PCDHGA5: variants seen among roughly 807,000 people sequenced by gnomAD.
PCDHGA5 encodes protocadherin gamma-A5.
PCDHGA5 carries 36 observed loss-of-function variants against 56.7 expected under a neutral mutation model. That is an observed-to-expected ratio of 0.64 (90% CI 0.49 to 0.84). The LOEUF (loss-of-function observed/expected upper bound fraction) is 0.84. PCDHGA5 is among the 40% of genes least tolerant of loss of function. PCDHGA5 has a pLI of 0.00. For missense variants in PCDHGA5, 1,305 were observed against 1,201.5 expected (o/e 1.09, Z -1.27); for synonymous variants, 563 against 520.2 (o/e 1.08, Z -1.12).
intron 1 of PCDHGA5, among the ~76,000 whole-genome samples, chr5:141,373,419 A>G (rs562017784): frequency 6.6e-6 from 1 of 152,336 alleles, no homozygotes; most frequent in African/African-American, 2.4e-5. Flanking sequence ...GCTACTCGGG[A>G]GGCTGAGGTG....
intron 1 of PCDHGA5, chr5:141,416,916 T>A (rs751743318): frequency 5.5e-4 from 83 of 152,132 alleles, no homozygotes; most frequent in Non-Finnish European, 8.5e-4. Flanking sequence ...CTCTTTAGGG[T>A]CATAGTTATT....
chr5:141,394,410 A>G, intron 1 of PCDHGA5: 1 of 1,614,210 alleles, frequency 6.2e-7, no homozygotes, highest in Non-Finnish European at 8.5e-7. Context: ...GCTACTGGTA[A>G]CAGCCAGCGA....
In PCDHGA5 at chr5:141,376,236, G is replaced by T. The variant is rs202155785; in HGVS notation, c.2421+9485G>T. ...GTGCTGCTGGCGCTCAGACTGCAGCGCTGGCACAAGTCACGCCTGCTGCAG... is the reference window on the plus strand; with the variant it reads ...GTGCTGCTGGCGCTCAGACTGCAGCTCTGGCACAAGTCACGCCTGCTGCAG... On this transcript the variant is annotated intron_variant, in intron 1 of 3. Coordinates refer to ENST00000518069, the MANE Select transcript of PCDHGA5 (RefSeq NM_018918.3). The T allele has an allele frequency of 2.8e-3, 4,477 of 1,614,208 alleles. 145 individuals carry two copies. In the South Asian group the frequency reaches 0.046, roughly 17 times the overall value.
At position 141,410,559 on chromosome 5, in the gene PCDHGA5, G is replaced by A. The variant is rs1239897819; in HGVS notation, c.2421+43808G>A. 9.9e-6 allele frequency: 16 copies of A among 1,612,722 alleles called. No individual in the cohort carries two copies. Among genetic ancestry groups the A allele is most frequent in the African/African-American group, 5.3e-5 (4 of 74,894 alleles). On this transcript the variant is annotated intron_variant, in intron 1 of 3. Transcript: ENST00000518069. ...GACATGGTTTGCAGTGTTTCTCCTG[G>A]AGCCTTAATTCCACCTCATGGTGGG...
chr5:141,385,529 T>G (rs568078652), intron 1 of PCDHGA5: 1 of 1,354,768 alleles, frequency 7.4e-7, no homozygotes, highest in South Asian at 2.0e-5. Context: ...TGGACAAGAT[T>G]ATGAATATGT....
At chr5:141,436,256 C>T (rs953463822) in intron 1 of PCDHGA5, among the ~76,000 whole-genome samples, 1 of 152,100 alleles carries the variant, frequency 6.6e-6, no homozygotes, top group South Asian at 2.1e-4. Context: ...TTATTCTGAC[C>T]TCTGCTCACC....
At chr5:141,382,378 C>T (rs1160680038) in intron 1 of PCDHGA5, among the ~76,000 whole-genome samples, 1 of 152,098 alleles carries the variant, frequency 6.6e-6, no homozygotes, top group Non-Finnish European at 1.5e-5. Flanking sequence ...TTTTTGCCTT[C>T]AATAACTGAT....
At chr5:141,441,703 A>C (rs1329703451) in intron 1 of PCDHGA5, 2 of 312,092 alleles carry the variant, frequency 6.4e-6, no homozygotes, top group Non-Finnish European at 1.3e-5. Context: ...CGAGCCTTCA[A>C]GCTCACGCTG....
chr5:141,397,862 G>A (rs956658469), intron 1 of PCDHGA5: 5 of 566,952 alleles, frequency 8.8e-6, no homozygotes, highest in African/African-American at 7.5e-5. Flanking sequence ...TAGTTTCCTA[G>A]TGCTGACTCT....
intron 1 of PCDHGA5, chr5:141,430,691 G>C (rs1479214920): frequency 1.4e-6 from 2 of 1,416,472 alleles, no homozygotes; most frequent in Non-Finnish European, 1.9e-6. Flanking sequence ...CCATTCTATG[G>C]GCGAAGGAAC....
rs369691483 is a variant in PCDHGA5 at position 141,383,272 on chromosome 5, G to A, written c.2421+16521G>A. 65 of 1,613,802 alleles carry A rather than the reference G, an allele frequency of 4.0e-5. No homozygotes were observed. Among genetic ancestry groups the A allele is most frequent in the Non-Finnish European group, 5.3e-5 (62 of 1,179,884 alleles). On this transcript the variant is annotated intron_variant, in intron 1 of 3. Transcript: ENST00000518069. The stretch of plus-strand genomic sequence containing the variant: ...TTACCCTATAGACGTGGAAATAATA[G>A]ATATTAATGACAACGTTCCAAGATT...
rs2099698809 is a variant in PCDHGA5 at position 141,490,343 on chromosome 5, T to C, written c.2422-4464T>C. On this transcript the variant is annotated intron_variant, in intron 1 of 3. Transcript: ENST00000518069. This position sits in a 1 kb window ranked among gnomAD's most constrained non-coding sequence, Gnocchi z 5.4. ...CTAGAGAGCACACCAGTGGGCACAG[T>C]AGTGGGGTTGTTTAATGTGCGAGAC... The C allele has an allele frequency of 6.2e-7, 1 of 1,614,018 alleles. No individual in the cohort carries two copies. Among genetic ancestry groups the C allele is most frequent in the Admixed American group, 1.7e-5 (1 of 60,006 alleles).
At chr5:141,375,616 T>A (rs745318336) in intron 1 of PCDHGA5, 5 of 1,614,200 alleles carry the variant, frequency 3.1e-6, no homozygotes, top group Admixed American at 1.7e-5. Flanking sequence ...ACTCCGACAC[T>A]GGGATTCTGT....
chr5:141,366,183 C>T lies in PCDHGA5; in HGVS notation c.1853C>T (p.Ala618Val), dbSNP rs1265107316. The change falls in exon 1 of 4, where the codon GCG becomes GTG. Residue 618 changes from alanine (A) to valine (V), a missense_variant. Physicochemically the swap from Ala to Val is moderately conservative, Grantham distance 64 (BLOSUM62 0). Transcript: ENST00000518069. ...LLKASEPGLF[A>V]VGLHTGEVRT... ...AAGGCCAGCGAGCCAGGACTCTTTG[C>T]GGTTGGGCTGCACACGGGCGAGGTG... 1 of 1,613,986 alleles carries T rather than the reference C, an allele frequency of 6.2e-7. No homozygotes were observed. Among genetic ancestry groups the T allele is most frequent in the South Asian group, 1.1e-5 (1 of 91,086 alleles).
intron 1 of PCDHGA5, chr5:141,370,659 C>A: frequency 6.2e-7 from 1 of 1,613,780 alleles, no homozygotes; most frequent in Admixed American, 1.7e-5. Context: ...TGTGAGCGAC[C>A]GTATAGACCG....
chr5:141,456,746 T>C (rs548254725), intron 1 of PCDHGA5, among the ~76,000 whole-genome samples: 51 of 151,874 alleles, frequency 3.4e-4, no homozygotes, highest in African/African-American at 1.0e-3. Context: ...GGGAGCATCA[T>C]GAGGTCAGGA....
intron 1 of PCDHGA5, chr5:141,421,333 G>A (rs1458277535): frequency 2.5e-6 from 4 of 1,613,850 alleles, no homozygotes; most frequent in Admixed American, 1.7e-5. Flanking sequence ...CCGATATTCG[G>A]TGCCAGAAGA....
At chr5:141,399,641 C>T (rs747527070) in intron 1 of PCDHGA5, 5 of 1,613,852 alleles carry the variant, frequency 3.1e-6, no homozygotes, top group Non-Finnish European at 4.2e-6. Context: ...TCCATGAGCG[C>T]GCAAAGTGGG....
At chr5:141,423,026 G>A in intron 1 of PCDHGA5, 2 of 1,614,210 alleles carry the variant, frequency 1.2e-6, no homozygotes, top group African/African-American at 1.3e-5. Flanking sequence ...AAAGATTCAG[G>A]CCAGAACGCC....
Sources: gnomAD v4.1 joint callset for allele counts (sites outside exome capture counted in the v4.1 genomes callset) on GRCh38, gnomAD v4.1.1 for gene constraint, Gnocchi (gnomAD v3.1) non-coding constraint, MANE v1.5 for transcripts, NCBI Gene and HGNC (gene_info 2026-07-23, HGNC 2026-07-21) for gene names.